The following CHL1 variants were observed in gnomAD, a reference collection of about 807,000 sequenced individuals.
The protein encoded by CHL1 is neural cell adhesion molecule L1-like protein.
CHL1 carries 96 observed loss-of-function variants against 141.9 expected under a neutral mutation model. That is an observed-to-expected ratio of 0.68 (90% CI 0.57 to 0.80). The LOEUF (loss-of-function observed/expected upper bound fraction) is 0.80. CHL1 is among the 30% of genes least tolerant of loss of function. The probability of loss-of-function intolerance (pLI) is 0.00; values close to 1 mark genes in which losing one functional copy is unlikely to be tolerated. For missense variants in CHL1, 1,820 were observed against 1,457.2 expected (o/e 1.25, Z -4.05); for synonymous variants, 613 against 502.2 (o/e 1.22, Z -2.95).
At chr3:300,686 AG>A (rs1698642665) in intron 2 of CHL1, among the ~76,000 whole-genome samples, 1 of 152,214 alleles carries the variant, frequency 6.6e-6, no homozygotes, top group African/African-American at 2.4e-5. Context: ...GTAAGAGACA[AG>A]CATCATAAGA....
At chr3:396,803 A>AG (rs34598905) in intron 24 of CHL1, among the ~76,000 whole-genome samples, 1 of 152,158 alleles carries the variant, frequency 6.6e-6, no homozygotes, top group African/African-American at 2.4e-5. Context: ...CTATAAGTAC[A>AG]GGGAAAAAAA....
In CHL1 at chr3:406,906, T is replaced by C. The variant is rs1264146657; in HGVS notation, c.*1195T>C. On this transcript the variant is annotated 3_prime_UTR_variant, in exon 28 of 28. Transcript: ENST00000256509. ...AGGTTTTTATTGTTGAATGTACATC[T>C]ACCCCAGCCCCTCAAAAGAAAAACT... 6.6e-6 allele frequency: 1 copy of C among 152,160 alleles called. No individual in the cohort carries two copies. Among genetic ancestry groups the C allele is most frequent in the East Asian group, 1.9e-4 (1 of 5,198 alleles). The allele number at this position is 152,160 out of a possible 1,614,324, so 9.4% of individuals were successfully genotyped here. A position where few individuals can be genotyped will look rare whatever the true frequency, so the allele number is the denominator to read the frequency against.
chr3:232,355 A>T (rs1007531227), intron 1 of CHL1, among the ~76,000 whole-genome samples: 4 of 152,146 alleles, frequency 2.6e-5, no homozygotes, highest in African/African-American at 9.7e-5. Context: ...TTGTCATTGA[A>T]TTTGTACCTT....
At chr3:201,739 C>T (rs1698962137) in intron 1 of CHL1, among the ~76,000 whole-genome samples, 1 of 152,082 alleles carries the variant, frequency 6.6e-6, no homozygotes, top group Non-Finnish European at 1.5e-5. Flanking sequence ...TATGCTTTGA[C>T]CAGGGTTTCT....
At chr3:356,396 C>T (rs1703718615) in intron 11 of CHL1, among the ~76,000 whole-genome samples, 1 of 152,072 alleles carries the variant, frequency 6.6e-6, no homozygotes, top group African/African-American at 2.4e-5. Flanking sequence ...TTAACTGATT[C>T]GTTCATTCAA....
At chr3:254,335 C>T (rs1039816301) in intron 2 of CHL1, among the ~76,000 whole-genome samples, 3 of 152,288 alleles carry the variant, frequency 2.0e-5, no homozygotes, top group Non-Finnish European at 4.4e-5. Flanking sequence ...GGAAACCAAC[C>T]TGCTATGGTA....
intron 2 of CHL1, among the ~76,000 whole-genome samples, chr3:280,105 G>T (rs1425272039): frequency 6.6e-6 from 1 of 152,146 alleles, no homozygotes; most frequent in Admixed American, 6.5e-5. Flanking sequence ...TATTTTGGAG[G>T]CATGGATCTT....
chr3:378,117 A>C (rs1040468018), intron 16 of CHL1, among the ~76,000 whole-genome samples, 175 bp downstream of exon 16: 1 of 152,218 alleles, frequency 6.6e-6, no homozygotes, highest in African/African-American at 2.4e-5. Flanking sequence ...TTCATATAAA[A>C]GAAATTAATT....
chr3:198,378 G>C lies in CHL1; in HGVS notation c.-175+1315G>C, dbSNP rs530083078. Among the ~76,000 whole-genome samples the C allele has an allele frequency of 2.4e-4, 36 of 152,080 alleles. No homozygotes were observed. In the South Asian group the frequency reaches 6.9e-3, roughly 29 times the overall value. ...GCGCTCCCGCGGGAACGCGCCGTGC[G>C]CGGGGAGATTTGCGCGTGCGCGTGG... On this transcript the variant is annotated intron_variant, in intron 1 of 27. Transcript: ENST00000256509.
chr3:240,436 T>C (rs1274866442), intron 1 of CHL1, among the ~76,000 whole-genome samples: 4 of 152,214 alleles, frequency 2.6e-5, no homozygotes, highest in Non-Finnish European at 5.9e-5. Context: ...GCCCACTTTA[T>C]GATGGGATTT....
chr3:320,899 T>G (rs1700513047), intron 3 of CHL1, among the ~76,000 whole-genome samples: 1 of 151,986 alleles, frequency 6.6e-6, no homozygotes, highest in South Asian at 2.1e-4. Context: ...ATTTGGAGGG[T>G]TATTATATTA....
intron 5 of CHL1, among the ~76,000 whole-genome samples, chr3:335,297 A>T (rs1289837086): frequency 6.6e-6 from 1 of 152,222 alleles, no homozygotes; most frequent in Non-Finnish European, 1.5e-5. Context: ...TTTTACTCTG[A>T]TTCACCAAAG....
At chr3:208,006 A>G (rs1016318669) in intron 1 of CHL1, among the ~76,000 whole-genome samples, 1 of 152,216 alleles carries the variant, frequency 6.6e-6, no homozygotes, top group Admixed American at 6.5e-5. Context: ...GCTGGCAGTC[A>G]TCAGAATGAA....
At chr3:352,183 A>G (rs1019829841) in intron 10 of CHL1, among the ~76,000 whole-genome samples, 1 of 152,200 alleles carries the variant, frequency 6.6e-6, no homozygotes, top group Non-Finnish European at 1.5e-5. Context: ...AATATACTTG[A>G]GAAATCCTTG....
At chr3:268,606 T>A (rs892752139) in intron 2 of CHL1, among the ~76,000 whole-genome samples, 22 of 152,086 alleles carry the variant, frequency 1.4e-4, no homozygotes, top group Non-Finnish European at 2.8e-4. Flanking sequence ...TCAGTACACA[T>A]TTTGGATTAG....
chr3:310,890 C>G (rs1699700516), intron 2 of CHL1, among the ~76,000 whole-genome samples: 1 of 152,216 alleles, frequency 6.6e-6, no homozygotes, highest in African/African-American at 2.4e-5. Flanking sequence ...TATTCATTCC[C>G]TCTTCTCCCT....
chr3:375,564 G>T (rs1283398103), intron 15 of CHL1, among the ~76,000 whole-genome samples: 1 of 151,746 alleles, frequency 6.6e-6, no homozygotes. Context: ...AAGCAGAGAG[G>T]CAGGAGAAAT....
chr3:337,597 A>C (rs1049297427), intron 5 of CHL1, among the ~76,000 whole-genome samples: 2 of 144,230 alleles, frequency 1.4e-5, no homozygotes. Context: ...ATTCCCACTT[A>C]TGAGTGAGAA....
At chr3:319,598 A>G in intron 2 of CHL1, 85 bp from the exon 3 acceptor site, 1 of 487,192 alleles carries the variant, frequency 2.1e-6, no homozygotes. Context: ...AACCAAAAAA[A>G]AAAAAAAAAA....
Sources: gnomAD v4.1 joint callset for allele counts (sites outside exome capture counted in the v4.1 genomes callset) on GRCh38, gnomAD v4.1.1 for gene constraint, MANE v1.5 for transcripts, NCBI Gene and HGNC (gene_info 2026-07-23, HGNC 2026-07-21) for gene names.